The following ARHGEF28 variants were observed in gnomAD, a reference collection of about 807,000 sequenced individuals.
ARHGEF28 encodes the protein 190 kDa guanine nucleotide exchange factor.
ARHGEF28 carries 152 observed loss-of-function variants against 206.6 expected under a neutral mutation model. That is an observed-to-expected ratio of 0.74 (90% CI 0.64 to 0.84). The LOEUF is 0.84. Among genes scored for constraint, ARHGEF28 ranks in the 40% least tolerant of loss-of-function variants. ARHGEF28 has a pLI of 0.00. For missense variants in ARHGEF28, 2,028 were observed against 2,073.2 expected, an observed-to-expected ratio of 0.98 and a Z score of 0.42; for synonymous variants, 763 against 776.4, an observed-to-expected ratio of 0.98 and a Z score of 0.29.
intron 2 of ARHGEF28, among the ~76,000 whole-genome samples, chr5:73,736,483 A>G (rs1189429181): frequency 7.2e-5 from 11 of 152,184 alleles, no homozygotes; most frequent in Non-Finnish European, 1.2e-4. Context: ...GGCCAATTGT[A>G]AGGAATTAAT....
intron 1 of ARHGEF28, among the ~76,000 whole-genome samples, chr5:73,659,525 T>C (rs1166110443): frequency 3.9e-5 from 5 of 127,950 alleles, no homozygotes; most frequent in Admixed American, 9.2e-5. Flanking sequence ...CAAGACTCCG[T>C]CTCAAAAAAA....
intron 1 of ARHGEF28, among the ~76,000 whole-genome samples, chr5:73,643,911 G>C (rs1313063108): frequency 6.6e-6 from 1 of 152,146 alleles, no homozygotes; most frequent in Non-Finnish European, 1.5e-5. Context: ...TTGTCATCTA[G>C]ATGTGGGGAA....
intron 2 of ARHGEF28, among the ~76,000 whole-genome samples, chr5:73,731,023 A>AAAT (rs397951908): frequency 6.6e-6 from 1 of 150,510 alleles, no homozygotes; most frequent in Non-Finnish European, 1.5e-5. Context: ...AAAAAAAAAA[A>AAAT]CCCTCTAATC....
chr5:73,732,792 A>G (rs1295268528), intron 2 of ARHGEF28, among the ~76,000 whole-genome samples: 1 of 133,034 alleles, frequency 7.5e-6, no homozygotes. Flanking sequence ...GTATAAAGCT[A>G]CATTTTACTA....
rs760658903 is a variant in ARHGEF28 at position 73,870,130 on chromosome 5, A to G, written c.2487A>G (p.Glu829=). The G allele has an allele frequency of 6.2e-7, 1 of 1,613,968 alleles. No individual in the cohort carries two copies. The highest frequency in any genetic ancestry group is 1.3e-5 in the African/African-American group (1 of 75,040). The change falls in exon 21 of 36, where the codon GAA becomes GAG. Residue 829 remains glutamate, a synonymous_variant. Coordinates refer to ENST00000513042, the MANE Select transcript of ARHGEF28 (RefSeq NM_001177693.2). The part of the protein sequence containing the change: ...LSSDAQEFEA[E]SWSLVVDPSF... ...GTGATGCCCAGGAGTTTGAAGCAGA[A>G]TCTTGGAGTCTTGTGGTGGATCCCT...
At chr5:73,650,983 G>C (rs1744787760) in intron 1 of ARHGEF28, among the ~76,000 whole-genome samples, 1 of 152,212 alleles carries the variant, frequency 6.6e-6, no homozygotes, top group African/African-American at 2.4e-5. Flanking sequence ...GTGCTTGGAG[G>C]AATTAATAGT....
At chr5:73,813,847 T>G (rs534295863) in intron 9 of ARHGEF28, among the ~76,000 whole-genome samples, 16 of 152,150 alleles carry the variant, frequency 1.1e-4, no homozygotes, top group African/African-American at 3.9e-4. Context: ...TACTAATTCT[T>G]CTTATGTTCC....
chr5:73,881,096 T>C (rs1460112256), intron 22 of ARHGEF28, among the ~76,000 whole-genome samples: 1 of 152,048 alleles, frequency 6.6e-6, no homozygotes, highest in African/African-American at 2.4e-5. Flanking sequence ...TTGAAAAGGC[T>C]ATTTTTCCTC....
chr5:73,917,029 A>G (rs1763250996), intron 35 of ARHGEF28, among the ~76,000 whole-genome samples: 1 of 152,226 alleles, frequency 6.6e-6, no homozygotes, highest in South Asian at 2.1e-4. Flanking sequence ...TTTCCTATTT[A>G]GTGAAACTAG....
chr5:73,804,914 A>T (rs1418402193), intron 9 of ARHGEF28, among the ~76,000 whole-genome samples: 1 of 152,226 alleles, frequency 6.6e-6, no homozygotes, highest in Non-Finnish European at 1.5e-5. Context: ...CACTATGTGT[A>T]GCCCACACAT....
chr5:73,895,859 A>G (rs192335857), intron 29 of ARHGEF28, among the ~76,000 whole-genome samples: 1 of 152,320 alleles, frequency 6.6e-6, no homozygotes, highest in East Asian at 1.9e-4. Flanking sequence ...ATTTCAGAAT[A>G]TTAGCTCTGG....
chr5:73,871,342 C>T (rs1387404801), intron 21 of ARHGEF28, among the ~76,000 whole-genome samples: 1 of 152,022 alleles, frequency 6.6e-6, no homozygotes, highest in African/African-American at 2.4e-5. Context: ...TGAAATGATA[C>T]AGGTAAGTGC....
chr5:73,669,715 CAG>C (rs1746189606), intron 1 of ARHGEF28, among the ~76,000 whole-genome samples: 1 of 151,916 alleles, frequency 6.6e-6, no homozygotes, highest in African/African-American at 2.4e-5. Flanking sequence ...TATTTAGAGA[CAG>C]AGTCTCACTC....
intron 4 of ARHGEF28, among the ~76,000 whole-genome samples, chr5:73,766,012 C>G (rs926522772): frequency 6.6e-6 from 1 of 151,944 alleles, no homozygotes; most frequent in African/African-American, 2.4e-5. Flanking sequence ...ATTAGCCAGG[C>G]GCAGTGGCGG....
In ARHGEF28 at chr5:73,875,382, T is replaced by C. The variant is rs944644921; in HGVS notation, c.2814+2136T>C. Among the ~76,000 whole-genome samples, 260 of 150,992 alleles carry C rather than the reference T, an allele frequency of 1.7e-3. 2 individuals carry two copies. Among genetic ancestry groups the C allele is most frequent in the African/African-American group, 5.9e-3 (244 of 41,134 alleles). Reference sequence around the variant, plus strand: ...CATTTTGTAGGTTGCCTGTTCACTCTGATGGTAGTTTCTTTTGCTGTGCGG... The same window carrying C: ...CATTTTGTAGGTTGCCTGTTCACTCCGATGGTAGTTTCTTTTGCTGTGCGG... On this transcript the variant is annotated intron_variant, in intron 22 of 35. Transcript: ENST00000513042.
intron 6 of ARHGEF28, among the ~76,000 whole-genome samples, chr5:73,777,616 T>C (rs781591219): frequency 1.1e-4 from 17 of 152,234 alleles, no homozygotes; most frequent in Non-Finnish European, 5.9e-5. Flanking sequence ...TTACTCCATA[T>C]AGAGTTTTAT....
At chr5:73,899,836 C>T (rs1476893906) in intron 30 of ARHGEF28, 1 of 152,258 alleles carries the variant, frequency 6.6e-6, no homozygotes, top group Non-Finnish European at 1.5e-5. Context: ...CTGGCCCACC[C>T]TGAAATTGGA....
At position 73,633,294 on chromosome 5, in the gene ARHGEF28, G is replaced by A. The variant is rs537818158; in HGVS notation, c.-12+6972G>A. On this transcript the variant is annotated intron_variant, in intron 1 of 35. Coordinates refer to ENST00000513042, the MANE Select transcript of ARHGEF28 (RefSeq NM_001177693.2). ...CCTGTACTGGTCTTTGGCCCCAGGG[G>A]TTGGGGACCTCTGGTGTAGAGCACA... Among the ~76,000 whole-genome samples the A allele has an allele frequency of 2.6e-5, 4 of 152,266 alleles. No individual in the cohort carries two copies. In the South Asian group the frequency reaches 8.3e-4, roughly 32 times the overall value.
At chr5:73,690,508 G>A (rs1403150949) in intron 2 of ARHGEF28, among the ~76,000 whole-genome samples, 1 of 119,000 alleles carries the variant, frequency 8.4e-6, no homozygotes, top group African/African-American at 3.3e-5. Context: ...GGTCAACATT[G>A]TAAGACTCTG....
Sources: gnomAD v4.1 joint callset for allele counts (sites outside exome capture counted in the v4.1 genomes callset) on GRCh38, gnomAD v4.1.1 for gene constraint, MANE v1.5 for transcripts, NCBI Gene and HGNC (gene_info 2026-07-23, HGNC 2026-07-21) for gene names.